TTLL8: variants seen among roughly 807,000 people sequenced by gnomAD.
TTLL8 encodes the protein protein monoglycylase TTLL8.
A neutral mutation model predicts 77.8 loss-of-function variants in TTLL8; 65 were observed. The observed-to-expected ratio is 0.84, with a 90% CI of 0.68 to 1.03. The LOEUF (loss-of-function observed/expected upper bound fraction) is 1.03. Ranked by LOEUF, TTLL8 falls within the 50% of genes least tolerant of loss-of-function variation. TTLL8 has a pLI of 0.00. For synonymous variants in TTLL8, 402 were observed against 422.8 expected, an observed-to-expected ratio of 0.95 and a Z score of 0.60; for missense variants, 910 against 1,004.5, an observed-to-expected ratio of 0.91 and a Z score of 1.27.
chr22:50,055,012 A>G (rs13058060), upstream of TTLL8: 2 of 403,206 alleles, frequency 5.0e-6, no homozygotes, highest in Non-Finnish European at 6.7e-6. Flanking sequence ...GTAAGCTGAG[A>G]TCGTGCCACT....
intron 11 of TTLL8, among the ~76,000 whole-genome samples, 182 bp from the exon 13 acceptor site, chr22:50,031,107 C>T (rs956208565): frequency 2.6e-4 from 39 of 152,206 alleles, no homozygotes; most frequent in African/African-American, 7.9e-4. Context: ...GGAGAACCTG[C>T]GGGGAACCAA....
At chr22:50,028,229 C>A (rs767863844) in intron 12 of TTLL8, among the ~76,000 whole-genome samples, 3 of 152,224 alleles carry the variant, frequency 2.0e-5, no homozygotes, top group Non-Finnish European at 4.4e-5. Context: ...CTTTCCTCTT[C>A]AGCATGGTAA....
At chr22:50,056,781 T>A (rs2061473085), upstream of TTLL8, 11 of 1,288,352 alleles carry the variant, frequency 8.5e-6, no homozygotes, top group South Asian at 1.2e-4. This position sits in a 1 kb window ranked among gnomAD's most constrained non-coding sequence, Gnocchi z 4.1. Context: ...GTCCCTGATT[T>A]CCTGGCAGCA....
At chr22:50,056,830 G>A, upstream of TTLL8, 1 of 1,289,664 alleles carries the variant, frequency 7.8e-7, no homozygotes, top group Non-Finnish European at 1.0e-6. The surrounding 1 kb of genome is among the most constrained non-coding windows in gnomAD (Gnocchi z 4.1). Flanking sequence ...GGGCCACTCT[G>A]GGCGAGTGGC....
At chr22:50,052,440 C>T (rs559389515) in intron 1 of TTLL8, among the ~76,000 whole-genome samples, 2 of 152,116 alleles carry the variant, frequency 1.3e-5, no homozygotes, top group African/African-American at 4.8e-5. Context: ...GTAACCAGTC[C>T]GGGAGAGCAC....
chr22:50,031,789 G>A (rs763388654), exon 11 of TTLL8: 10 of 1,366,710 alleles, frequency 7.3e-6, no homozygotes, highest in East Asian at 4.6e-5. Flanking sequence ...CGTGACCGGC[G>A]TGGACGGGTG....
At chr22:50,052,250 C>G (rs2061448066) in intron 1 of TTLL8, among the ~76,000 whole-genome samples, 2 of 152,192 alleles carry the variant, frequency 1.3e-5, no homozygotes, top group Admixed American at 1.3e-4. Flanking sequence ...CGCAAGAGGG[C>G]TGGCACCCTC....
At chr22:50,033,983 A>T (rs917273820) in intron 9 of TTLL8, among the ~76,000 whole-genome samples, 1 of 152,258 alleles carries the variant, frequency 6.6e-6, no homozygotes, top group African/African-American at 2.4e-5. Context: ...CAGTGAGGCA[A>T]GATTGCGCCA....
rs190571135 is a variant in TTLL8 at position 50,045,576 on chromosome 22, G to A, written c.509-187C>T. On this transcript the variant is annotated intron_variant, in intron 5 of 13. Transcript: ENST00000266182. ...CTGCAGTGTCTCTGTGACTGCGGCC[G>A]TCCAGCTGCACCCCTCGGCCTCCGA... 4.5e-4 allele frequency among the ~76,000 whole-genome samples: 69 copies of A among 152,148 alleles called. 2 individuals carry two copies. Among genetic ancestry groups the A allele is most frequent in the African/African-American group, 1.5e-3 (62 of 41,496 alleles).
intron 1 of TTLL8, among the ~76,000 whole-genome samples, chr22:50,053,078 C>T (rs184747691): frequency 2.6e-5 from 4 of 152,134 alleles, no homozygotes; most frequent in East Asian, 1.9e-4. Flanking sequence ...AAAAATTAGC[C>T]GAGCATGGTG....
Position 50,041,433 on chromosome 22 carries a change from C to T in TTLL8, c.831-156G>A, listed in dbSNP as rs1414278334. ...AGACATCCAGACAGACACCACAATA[C>T]TCAACAAGCATCCCAGACATCCAGA... On this transcript the variant is annotated intron_variant, in intron 7 of 13. Transcript: ENST00000266182. The surrounding 1 kb of genome is among the most constrained non-coding windows in gnomAD (Gnocchi z 4.3). The T allele has an allele frequency of 1.2e-6, 1 of 861,584 alleles. No individual in the cohort carries two copies. The highest frequency in any genetic ancestry group is 1.8e-5 in the African/African-American group (1 of 54,658). 53.4% of individuals were successfully genotyped at this position (861,584 alleles called of 1,614,324 possible). A position where few individuals can be genotyped will look rare whatever the true frequency, so the allele number is the denominator to read the frequency against.
At chr22:50,032,105 T>G (rs1475291526) in exon 11 of TTLL8, 4 of 1,359,756 alleles carry the variant, frequency 2.9e-6, no homozygotes, top group African/African-American at 1.5e-5. Flanking sequence ...CACAGGTGGA[T>G]GGCGCTGCAG....
intron 5 of TTLL8, chr22:50,045,647 GCCT>G (rs2061405571): frequency 4.5e-6 from 3 of 660,208 alleles, no homozygotes; most frequent in Non-Finnish European, 5.6e-6. Context: ...CTGTCCACAA[GCCT>G]AGCACAGAAC....
rs774159967 is a variant in TTLL8, at chr22:50,041,766, G to T, written c.685C>A (p.Gln229Lys). 4.4e-6 allele frequency: 6 copies of T among 1,363,832 alleles called. No individual in the cohort carries two copies. The highest frequency in any genetic ancestry group is 3.0e-5 in the African/African-American group (2 of 67,676). 84.5% of individuals were successfully genotyped at this position (1,363,832 alleles called of 1,614,324 possible). A position where few individuals can be genotyped will look rare whatever the true frequency, so the allele number is the denominator to read the frequency against. Residue 229 changes from glutamine (Q) to lysine (K), a missense_variant, in exon 7 of 14, where the codon CAG becomes AAG. Physicochemically the swap from Gln to Lys is moderately conservative, Grantham distance 53. Transcript: ENST00000266182. This position sits in a 1 kb window ranked among gnomAD's most constrained non-coding sequence, Gnocchi z 4.3. ...ACCTTGCACGCGATGTCCACAAGCTGCCCCGGGAGGCCCCTGAGCTTTGCC... is the reference window on the plus strand; with the variant it reads ...ACCTTGCACGCGATGTCCACAAGCTTCCCCGGGAGGCCCCTGAGCTTTGCC...
chr22:50,039,331 C>G (rs569284780), intron 8 of TTLL8, among the ~76,000 whole-genome samples: 1 of 152,090 alleles, frequency 6.6e-6, no homozygotes, highest in Admixed American at 6.5e-5. Flanking sequence ...AGATTTAGGC[C>G]GGGTGCAGTG....
chr22:50,032,645 C>G (rs537282457), intron 10 of TTLL8, among the ~76,000 whole-genome samples: 34 of 152,218 alleles, frequency 2.2e-4, no homozygotes, highest in Non-Finnish European at 3.8e-4. Context: ...CCCTTCCTGC[C>G]CAGCCGTCAG....
At chr22:50,020,851 CCTA>C (rs1245021056) in intron 12 of TTLL8, among the ~76,000 whole-genome samples, 1 of 150,910 alleles carries the variant, frequency 6.6e-6, no homozygotes, top group African/African-American at 2.4e-5. Context: ...AACGTGCACT[CCTA>C]CATCTGACGA....
chr22:50,055,158 A>C (rs1023993543), upstream of TTLL8: 11 of 1,254,644 alleles, frequency 8.8e-6, no homozygotes, highest in Non-Finnish European at 1.0e-5. Context: ...GGCCAGATGG[A>C]CAGATTCCAA....
At chr22:50,033,476 C>T in intron 9 of TTLL8, 31 bp from the exon 11 acceptor site, 1 of 1,346,830 alleles carries the variant, frequency 7.4e-7, no homozygotes, top group Non-Finnish European at 9.9e-7. Flanking sequence ...ACCCAGCATG[C>T]ACAGCCACTG....
Sources: gnomAD v4.1 joint callset for allele counts (sites outside exome capture counted in the v4.1 genomes callset) on GRCh38, gnomAD v4.1.1 for gene constraint, Gnocchi (gnomAD v3.1) non-coding constraint, MANE v1.5 for transcripts, NCBI Gene and HGNC (gene_info 2026-07-23, HGNC 2026-07-21) for gene names.